Variants in FHOD3 observed in about 807,000 individuals in gnomAD.
FHOD3 encodes the protein FH1/FH2 domain-containing protein 3.
FHOD3 carries 90 observed loss-of-function variants against 173.0 expected under a neutral mutation model. The ratio of observed to expected loss-of-function variants is 0.52; its 90% CI spans 0.44 to 0.62. The LOEUF (loss-of-function observed/expected upper bound fraction) is 0.62. FHOD3 is among the 20% of genes least tolerant of loss of function. The pLI is 0.00. For synonymous variants in FHOD3, 828 were observed against 823.0 expected (o/e 1.01, Z -0.10); for missense variants, 1,945 against 2,034.7 (o/e 0.96, Z 0.85).
At chr18:36,497,854 GAT>G (rs1330964195) in intron 3 of FHOD3, among the ~76,000 whole-genome samples, 1 of 152,182 alleles carries the variant, frequency 6.6e-6, no homozygotes, top group Non-Finnish European at 1.5e-5. Flanking sequence ...TACTCAATTT[GAT>G]ATAGTGGATA....
At chr18:36,652,448 C>G in intron 11 of FHOD3, 122 bp from the exon 12 acceptor site, 1 of 1,238,688 alleles carries the variant, frequency 8.1e-7, no homozygotes, top group Non-Finnish European at 1.1e-6. Context: ...CACAGCTTGA[C>G]TTTGAAGTGA....
rs78730464 is a variant in FHOD3 at position 36,367,721 on chromosome 18, A to G, written c.273-4959A>G. On this transcript the variant is annotated intron_variant, in intron 2 of 28. Coordinates refer to ENST00000590592, the MANE Select transcript of FHOD3 (RefSeq NM_001281740.3). ...CACAGAACCAAGAGAATATCTATCT[A>G]TCTGATATGGATTGGCTCTGTGTCC... 8.7e-3 allele frequency among the ~76,000 whole-genome samples: 1,327 copies of G among 152,216 alleles called. 17 individuals carry two copies. Among genetic ancestry groups the G allele is most frequent in the African/African-American group, 0.028 (1,167 of 41,516 alleles).
rs1178594041 is a variant in FHOD3, at chr18:36,744,142, A to G, written c.3990A>G (p.Pro1330=). 6.2e-7 allele frequency: 1 copy of G among 1,614,174 alleles called. No homozygotes were observed. Among genetic ancestry groups the G allele is most frequent in the East Asian group, 2.2e-5 (1 of 44,864 alleles). The change falls in exon 23 of 29, where the codon CCA becomes CCG. Residue 1330 remains proline, a synonymous_variant. Transcript: ENST00000590592. The part of the protein sequence containing the change: ...HVCTMVVENF[P]DSSDLYSEIG... ...GCACCATGGTGGTAGAAAACTTCCC[A>G]GACAGCTCCGATCTGTACTCGGAGA...
intron 12 of FHOD3, 69 bp from the exon 13 acceptor site, chr18:36,653,273 A>G: frequency 8.0e-7 from 1 of 1,243,692 alleles, no homozygotes; most frequent in Non-Finnish European, 1.1e-6. Context: ...TTTGACGCTG[A>G]AGAATGTATC....
chr18:36,753,676 A>G (rs1169139147), intron 24 of FHOD3, among the ~76,000 whole-genome samples: 1 of 152,202 alleles, frequency 6.6e-6, no homozygotes, highest in Non-Finnish European at 1.5e-5. Flanking sequence ...TCCTACCAGC[A>G]CTGTGGAAAG....
At chr18:36,774,652 T>A (rs1457786391) in intron 28 of FHOD3, among the ~76,000 whole-genome samples, 1 of 152,230 alleles carries the variant, frequency 6.6e-6, no homozygotes, top group Non-Finnish European at 1.5e-5. Flanking sequence ...TTTTATCGCT[T>A]CAACGTTTTA....
chr18:36,528,947 G>A (rs2056656182), intron 5 of FHOD3, among the ~76,000 whole-genome samples: 1 of 152,180 alleles, frequency 6.6e-6, no homozygotes, highest in Non-Finnish European at 1.5e-5. Flanking sequence ...GTTGGCATTA[G>A]CTGGACAGAA....
intron 6 of FHOD3, 141 bp downstream of exon 6, chr18:36,576,686 C>T (rs978731558): frequency 5.7e-6 from 3 of 527,788 alleles, no homozygotes; most frequent in Admixed American, 7.9e-5. Flanking sequence ...TACTACTCTA[C>T]AAATTTTAAG....
At chr18:36,460,811 A>G (rs1348389319) in intron 3 of FHOD3, among the ~76,000 whole-genome samples, 1 of 152,238 alleles carries the variant, frequency 6.6e-6, no homozygotes. Context: ...TGTTGAGAGA[A>G]GTGAATACAG....
intron 3 of FHOD3, among the ~76,000 whole-genome samples, chr18:36,396,641 AG>A (rs2048566415): frequency 6.6e-6 from 1 of 152,102 alleles, no homozygotes; most frequent in African/African-American, 2.4e-5. Flanking sequence ...TATTTTGAAA[AG>A]GTAGGTTATA....
At chr18:36,550,655 T>C (rs1361015822) in intron 5 of FHOD3, among the ~76,000 whole-genome samples, 2 of 152,140 alleles carry the variant, frequency 1.3e-5, no homozygotes, top group East Asian at 3.9e-4. Context: ...ACATTACATA[T>C]CTTTCATGTA....
At chr18:36,709,497 G>C in intron 18 of FHOD3, 106 bp downstream of exon 18, 3 of 1,246,730 alleles carry the variant, frequency 2.4e-6, no homozygotes, top group Non-Finnish European at 3.3e-6. Flanking sequence ...GGTGACCTGG[G>C]TCAACCCACT....
intron 5 of FHOD3, among the ~76,000 whole-genome samples, chr18:36,535,074 C>T (rs978535774): frequency 6.6e-6 from 1 of 152,206 alleles, no homozygotes; most frequent in African/African-American, 2.4e-5. Flanking sequence ...AGGAAATACA[C>T]ATTTTCAGAT....
At chr18:36,473,112 C>T (rs1599277218) in intron 3 of FHOD3, among the ~76,000 whole-genome samples, 1 of 152,184 alleles carries the variant, frequency 6.6e-6, no homozygotes, top group Admixed American at 6.5e-5. Flanking sequence ...TGGGCCAGCA[C>T]CACCAGCTTC....
chr18:36,760,887 G>A lies in FHOD3; in HGVS notation c.4624+105G>A, dbSNP rs9947268. On this transcript the variant is annotated intron_variant, in intron 27 of 28. Transcript: ENST00000590592. The stretch of plus-strand genomic sequence containing the variant: ...CGGTCCACGGCTGTGACTGGCCCTC[G>A]GCTCCAGTGCCAACCTAACCACACA... 9.9e-3 allele frequency: 12,383 copies of A among 1,244,584 alleles called. 986 individuals carry two copies. In the African/African-American group the frequency reaches 0.17, roughly 17 times the overall value. The allele number at this position is 1,244,584 out of a possible 1,614,324, so 77.1% of individuals were successfully genotyped here.
At chr18:36,652,494 CTCTT>C (rs1023244098) in intron 11 of FHOD3, 72 bp from the exon 12 acceptor site, 1 of 1,448,468 alleles carries the variant, frequency 6.9e-7, no homozygotes, top group African/African-American at 1.4e-5. Flanking sequence ...TTGCCTGTCT[CTCTT>C]TTTCCTAACC....
At position 36,423,588 on chromosome 18, in the gene FHOD3, A is replaced by G. The variant is rs376922749; in HGVS notation, c.337+50844A>G. On this transcript the variant is annotated intron_variant, in intron 3 of 28. Transcript: ENST00000590592. The stretch of plus-strand genomic sequence containing the variant: ...CCACCTTGCCTTATTATAGTGAACA[A>G]TAGTAGAAGTACCTGGAGGCTCCAT... Among the ~76,000 whole-genome samples, 36 of 152,316 alleles carry G rather than the reference A, an allele frequency of 2.4e-4. 1 individual carries two copies. Among genetic ancestry groups the G allele is most frequent in the East Asian group, 2.3e-3 (12 of 5,178 alleles).
chr18:36,768,431 A>G (rs1019185751), intron 27 of FHOD3, among the ~76,000 whole-genome samples: 1 of 152,228 alleles, frequency 6.6e-6, no homozygotes, highest in Non-Finnish European at 1.5e-5. Flanking sequence ...GCCCATGTAT[A>G]TAGAGGGCTG....
At chr18:36,366,591 T>C (rs1281875134) in intron 2 of FHOD3, among the ~76,000 whole-genome samples, 2 of 152,194 alleles carry the variant, frequency 1.3e-5, no homozygotes, top group East Asian at 3.8e-4. Flanking sequence ...GATGTTTTTC[T>C]ACCTCTACAG....
Sources: allele counts gnomAD v4.1 joint callset (sites outside exome capture counted in the v4.1 genomes callset), GRCh38; gene constraint gnomAD v4.1.1; transcripts MANE v1.5; gene names NCBI Gene and HGNC (gene_info 2026-07-23, HGNC 2026-07-21).